SHANK2: variants seen among roughly 807,000 people sequenced by gnomAD.
SHANK2 encodes SH3 and multiple ankyrin repeat domains 2, also known as SH3 and multiple ankyrin repeat domains protein 2.
SHANK2 carries 43 observed loss-of-function variants against 133.7 expected under a neutral mutation model. That is an observed-to-expected ratio of 0.32 (90% CI 0.25 to 0.41). The LOEUF (loss-of-function observed/expected upper bound fraction) is 0.41, where lower values mean the gene tolerates loss of function less well. SHANK2 is among the 10% of genes least tolerant of loss of function. The probability of loss-of-function intolerance (pLI) is 1.00; values close to 1 mark genes in which losing one functional copy is unlikely to be tolerated. For synonymous variants in SHANK2, 1,017 were observed against 952.8 expected (o/e 1.07, Z -1.24); for missense variants, 1,994 against 2,235.8 (o/e 0.89, Z 2.18).
chr11:70,891,433 C>T (rs901079025), intron 11 of SHANK2, among the ~76,000 whole-genome samples: 7 of 152,050 alleles, frequency 4.6e-5, no homozygotes, highest in South Asian at 2.1e-4. Context: ...ACCCGGGAGG[C>T]GGAGCTTGCA....
At chr11:70,626,163 G>T (rs1403694365) in intron 17 of SHANK2, among the ~76,000 whole-genome samples, 1 of 152,192 alleles carries the variant, frequency 6.6e-6, no homozygotes, top group Admixed American at 6.5e-5. Context: ...AACACCCCCA[G>T]CAGCACCGTT....
intron 10 of SHANK2, among the ~76,000 whole-genome samples, chr11:70,903,629 G>C (rs1221000091): frequency 1.3e-5 from 2 of 152,070 alleles, no homozygotes; most frequent in Admixed American, 6.6e-5. Flanking sequence ...TCCACGAGGG[G>C]CTGGGGTCCC....
At chr11:70,857,174 T>C (rs1422703973) in intron 11 of SHANK2, among the ~76,000 whole-genome samples, 1 of 152,202 alleles carries the variant, frequency 6.6e-6, no homozygotes, top group Non-Finnish European at 1.5e-5. Flanking sequence ...CTCCAAGGGC[T>C]GGAGCCTGAG....
At chr11:70,953,708 C>G (rs1282563954) in intron 10 of SHANK2, among the ~76,000 whole-genome samples, 2 of 152,226 alleles carry the variant, frequency 1.3e-5, no homozygotes, top group Middle Eastern at 3.2e-3. Context: ...GGGTCTTCCT[C>G]TCCCAGCCCA....
At chr11:71,090,538 C>CTGTGTGTGTGTGTGTG (rs1491562406) in intron 8 of SHANK2, among the ~76,000 whole-genome samples, 3 of 4,632 alleles carry the variant, frequency 6.5e-4, no homozygotes, top group Admixed American at 6.2e-3. Context: ...GAAACACAAC[C>CTGTGTGTGTGTGTGTG]TCTGTGTGTG....
chr11:70,909,927 T>C (rs781967762), intron 10 of SHANK2, among the ~76,000 whole-genome samples: 6 of 152,134 alleles, frequency 3.9e-5, no homozygotes, highest in Non-Finnish European at 7.4e-5. Flanking sequence ...CACAGACACT[T>C]ATCATTTCAC....
intron 15 of SHANK2, among the ~76,000 whole-genome samples, chr11:70,680,645 C>T (rs1366698538): frequency 2.0e-5 from 3 of 152,104 alleles, no homozygotes; most frequent in East Asian, 1.9e-4. Flanking sequence ...TCCCCTTGGC[C>T]GGGTGAAGTC....
At chr11:70,945,319 G>T (rs941397663) in intron 10 of SHANK2, among the ~76,000 whole-genome samples, 2 of 152,168 alleles carry the variant, frequency 1.3e-5, no homozygotes, top group African/African-American at 2.4e-5. Flanking sequence ...AAAAGTGGAG[G>T]CCTGGGAGGC....
rs1555158197 is a variant in SHANK2, at chr11:70,500,577, C to T, written c.2301G>A (p.Lys767=). The change falls in exon 21 of 26, where the codon AAG becomes AAA. Residue 767 remains lysine, a synonymous_variant. Coordinates refer to ENST00000601538, the MANE Select transcript of SHANK2 (RefSeq NM_012309.5). This position sits in a 1 kb window ranked among gnomAD's most constrained non-coding sequence, Gnocchi z 4.5. ...ACACTGGGCCTCCCTTACCCTTCTT[C>T]TTCCGGACCGAGGCTTGCAAACAGA... The part of the protein sequence containing the change: ...EELVDKASVR[K]KKDKPEEIVP... The T allele has an allele frequency of 1.6e-5, 26 of 1,603,858 alleles. No individual in the cohort carries two copies. Among genetic ancestry groups the T allele is most frequent in the Admixed American group, 3.4e-5 (2 of 58,824 alleles).
At chr11:70,598,399 G>A (rs2060430359) in intron 17 of SHANK2, among the ~76,000 whole-genome samples, 1 of 152,222 alleles carries the variant, frequency 6.6e-6, no homozygotes, top group Non-Finnish European at 1.5e-5. Flanking sequence ...AACTCGAAGA[G>A]TTCTGTAACC....
At chr11:70,954,268 C>T (rs984936420) in intron 10 of SHANK2, among the ~76,000 whole-genome samples, 4 of 152,188 alleles carry the variant, frequency 2.6e-5, no homozygotes, top group African/African-American at 9.7e-5. Flanking sequence ...GAGCAGATTT[C>T]GTGGGTTTCT....
intron 2 of SHANK2, among the ~76,000 whole-genome samples, chr11:71,181,402 G>A (rs939954517): frequency 2.0e-5 from 3 of 152,258 alleles, no homozygotes; most frequent in East Asian, 3.9e-4. Flanking sequence ...GGGAGGGAGG[G>A]CTAGACAGGA....
At chr11:70,659,679 G>A (rs58326051) in intron 17 of SHANK2, 149 bp downstream of exon 17, 5 of 946,402 alleles carry the variant, frequency 5.3e-6, no homozygotes, top group Admixed American at 2.1e-5. Context: ...TGGCACCCAC[G>A]GTGGGAGAAA....
At chr11:70,643,861 C>T (rs972678448) in intron 17 of SHANK2, among the ~76,000 whole-genome samples, 1 of 149,868 alleles carries the variant, frequency 6.7e-6, no homozygotes. Context: ...GAAACCATAC[C>T]GTGTGCTGGC....
At chr11:71,183,353 A>T (rs1953601891) in intron 2 of SHANK2, among the ~76,000 whole-genome samples, 1 of 152,090 alleles carries the variant, frequency 6.6e-6, no homozygotes, top group South Asian at 2.1e-4. Context: ...GTGAGCAGAG[A>T]GGGGCTCCTA....
At chr11:71,137,874 G>A (rs1952477084) in intron 3 of SHANK2, among the ~76,000 whole-genome samples, 1 of 152,312 alleles carries the variant, frequency 6.6e-6, no homozygotes, top group Non-Finnish European at 1.5e-5. Context: ...CCAGGAGCAA[G>A]GAATCAGACA....
At chr11:70,831,695 G>C (rs1419386292) in intron 11 of SHANK2, among the ~76,000 whole-genome samples, 1 of 152,260 alleles carries the variant, frequency 6.6e-6, no homozygotes, top group East Asian at 1.9e-4. Context: ...AACATTTCAA[G>C]GTGCTCTGAA....
chr11:70,599,738 G>A (rs1338624892), intron 17 of SHANK2, among the ~76,000 whole-genome samples: 1 of 150,286 alleles, frequency 6.7e-6, no homozygotes, highest in Admixed American at 6.7e-5. Context: ...GTTGCAGTGA[G>A]TTGAGATTGT....
chr11:71,059,531 G>C (rs1950962292), intron 9 of SHANK2, among the ~76,000 whole-genome samples: 2 of 152,218 alleles, frequency 1.3e-5, no homozygotes, highest in African/African-American at 4.8e-5. Context: ...TAAGAAGACA[G>C]ACAGCAGGAA....
Sources: gnomAD v4.1 joint callset for allele counts (sites outside exome capture counted in the v4.1 genomes callset) on GRCh38, gnomAD v4.1.1 for gene constraint, Gnocchi (gnomAD v3.1) non-coding constraint, MANE v1.5 for transcripts, NCBI Gene and HGNC (gene_info 2026-07-23, HGNC 2026-07-21) for gene names.